CACNA2D3: variants seen among roughly 807,000 people sequenced by gnomAD.
CACNA2D3 encodes the protein calcium voltage-gated channel auxiliary subunit alpha2delta 3.
Under a neutral mutation model 160.6 loss-of-function variants are expected in CACNA2D3, and 60 were observed. The ratio of observed to expected loss-of-function variants is 0.37; its 90% CI spans 0.30 to 0.46. The LOEUF is 0.46. CACNA2D3 is among the 20% of genes least tolerant of loss of function. CACNA2D3 has a pLI of 1.00. For missense variants in CACNA2D3, 1,205 were observed against 1,365.0 expected (o/e 0.88, Z 1.85); for synonymous variants, 558 against 492.9 (o/e 1.13, Z -1.75).
At chr3:54,123,067 G>T (rs960883376) in intron 1 of CACNA2D3, among the ~76,000 whole-genome samples, 2 of 152,152 alleles carry the variant, frequency 1.3e-5, no homozygotes, top group Admixed American at 6.5e-5. Flanking sequence ...CTCAAGTGAC[G>T]GCACCAACTT....
intron 27 of CACNA2D3, among the ~76,000 whole-genome samples, chr3:54,911,407 T>A (rs755036758): frequency 3.8e-5 from 5 of 130,444 alleles, no homozygotes; most frequent in Admixed American, 9.5e-5. Context: ...TTCCCCAGAC[T>A]GGTCTTGAAC....
At position 54,718,063 on chromosome 3, in the gene CACNA2D3, A is replaced by T. The variant is rs71301899; in HGVS notation, c.1168-34536A>T. On this transcript the variant is annotated intron_variant, in intron 11 of 37. Coordinates refer to ENST00000474759, the MANE Select transcript of CACNA2D3 (RefSeq NM_018398.3). ...TTTTGTGAAGTGTTCAAGATTTTTG[A>T]CAATTTAAGAAATCTCATGATATAC... 1.6e-3 allele frequency among the ~76,000 whole-genome samples: 243 copies of T among 152,248 alleles called. 1 individual carries two copies. The highest frequency in any genetic ancestry group is 0.01 in the Middle Eastern group (3 of 294).
chr3:54,879,813 C>T (rs1699749655), intron 20 of CACNA2D3, among the ~76,000 whole-genome samples: 1 of 152,184 alleles, frequency 6.6e-6, no homozygotes, highest in Non-Finnish European at 1.5e-5. Flanking sequence ...TCCATTCCTA[C>T]ATGTTGTGCC....
intron 35 of CACNA2D3, among the ~76,000 whole-genome samples, chr3:55,039,113 T>C (rs1426420973): frequency 2.0e-5 from 3 of 151,940 alleles, no homozygotes; most frequent in African/African-American, 7.3e-5. Flanking sequence ...AAGATCATTC[T>C]AGCATCTTCG....
chr3:54,678,892 C>T (rs1036728004), intron 11 of CACNA2D3, among the ~76,000 whole-genome samples: 1 of 152,160 alleles, frequency 6.6e-6, no homozygotes, highest in East Asian at 1.9e-4. Context: ...AGTGGTAGCT[C>T]AACGAACAGT....
At chr3:54,859,453 A>G (rs1423212014) in intron 17 of CACNA2D3, among the ~76,000 whole-genome samples, 1 of 152,168 alleles carries the variant, frequency 6.6e-6, no homozygotes, top group Non-Finnish European at 1.5e-5. Flanking sequence ...ACACTAATAC[A>G]TTTGGAATTT....
At chr3:54,587,489 A>G (rs1416030827) in intron 9 of CACNA2D3, among the ~76,000 whole-genome samples, 1 of 152,074 alleles carries the variant, frequency 6.6e-6, no homozygotes, top group Non-Finnish European at 1.5e-5. Context: ...CCCGGGAGGC[A>G]GAGATTGCAG....
chr3:54,948,386 G>A (rs758253200), intron 27 of CACNA2D3, among the ~76,000 whole-genome samples: 1 of 152,162 alleles, frequency 6.6e-6, no homozygotes, highest in Non-Finnish European at 1.5e-5. Flanking sequence ...GCTCCCAAGA[G>A]GTTAGCAACT....
At chr3:54,713,640 G>C (rs1700996040) in intron 11 of CACNA2D3, among the ~76,000 whole-genome samples, 1 of 152,164 alleles carries the variant, frequency 6.6e-6, no homozygotes, top group East Asian at 1.9e-4. Flanking sequence ...ATGAGGTCTG[G>C]AAAGTTCACA....
intron 11 of CACNA2D3, among the ~76,000 whole-genome samples, chr3:54,736,100 C>CATATACAT (rs1701516610): frequency 2.1e-5 from 1 of 47,920 alleles, no homozygotes; most frequent in Non-Finnish European, 3.9e-5. Flanking sequence ...TATATATATA[C>CATATACAT]ATATATATGT....
chr3:54,223,314 T>C (rs1448589446), intron 2 of CACNA2D3, among the ~76,000 whole-genome samples: 2 of 152,220 alleles, frequency 1.3e-5, no homozygotes, highest in Admixed American at 6.5e-5. Flanking sequence ...AGCACGTTAC[T>C]GTATTGAATA....
chr3:54,925,087 A>G, intron 27 of CACNA2D3: 1 of 1,614,120 alleles, frequency 6.2e-7, no homozygotes, highest in East Asian at 2.2e-5. Flanking sequence ...GGTAAATGGG[A>G]AGGGATTTCG....
intron 2 of CACNA2D3, among the ~76,000 whole-genome samples, chr3:54,226,312 CT>C (rs10677482): frequency 6.6e-4 from 71 of 106,876 alleles, no homozygotes; most frequent in Middle Eastern, 5.0e-3. Context: ...GCCCCTGATG[CT>C]TTTTTTTTTT....
intron 2 of CACNA2D3, among the ~76,000 whole-genome samples, chr3:54,284,851 G>T (rs1449248499): frequency 6.6e-6 from 1 of 152,222 alleles, no homozygotes; most frequent in African/African-American, 2.4e-5. Flanking sequence ...ATCCTGGAAT[G>T]CTATAAAGCA....
chr3:54,403,809 T>C (rs1323819831), intron 4 of CACNA2D3, among the ~76,000 whole-genome samples: 2 of 152,040 alleles, frequency 1.3e-5, no homozygotes, highest in Non-Finnish European at 2.9e-5. Flanking sequence ...GTGGAGACAT[T>C]ATAACAGAAG....
At chr3:54,630,750 G>A (rs1019881999) in intron 10 of CACNA2D3, among the ~76,000 whole-genome samples, 1 of 152,082 alleles carries the variant, frequency 6.6e-6, no homozygotes, top group East Asian at 1.9e-4. Flanking sequence ...ACACATGGTG[G>A]ACTTTTTTAT....
chr3:54,506,966 A>G (rs1701380866), intron 5 of CACNA2D3, among the ~76,000 whole-genome samples: 1 of 152,204 alleles, frequency 6.6e-6, no homozygotes, highest in African/African-American at 2.4e-5. Context: ...GTTTATACGT[A>G]TATATACACA....
chr3:54,606,294 T>C (rs2106781796), intron 9 of CACNA2D3, among the ~76,000 whole-genome samples: 1 of 152,014 alleles, frequency 6.6e-6, no homozygotes, highest in South Asian at 2.1e-4. Context: ...AAGGTTGGAA[T>C]AGTCGATAGA....
chr3:54,369,353 G>A (rs745484547), intron 3 of CACNA2D3, among the ~76,000 whole-genome samples: 14 of 152,088 alleles, frequency 9.2e-5, no homozygotes, highest in South Asian at 2.1e-4. Flanking sequence ...ACAGGGAGCC[G>A]TGGTCGTGCA....
Sources: gnomAD v4.1 joint callset for allele counts (sites outside exome capture counted in the v4.1 genomes callset) on GRCh38, gnomAD v4.1.1 for gene constraint, MANE v1.5 for transcripts, NCBI Gene and HGNC (gene_info 2026-07-23, HGNC 2026-07-21) for gene names.